The following LMNTD1 variants were observed in gnomAD, a reference collection of about 807,000 sequenced individuals.
The protein encoded by LMNTD1 is lamin tail domain-containing protein 1.
Under a neutral mutation model 50.9 loss-of-function variants are expected in LMNTD1, and 35 were observed. The ratio of observed to expected loss-of-function variants is 0.69; its 90% confidence interval spans 0.53 to 0.91. LMNTD1 has a LOEUF of 0.91. LMNTD1 is among the 40% of genes least tolerant of loss of function. The pLI is 0.00. For missense variants in LMNTD1, 470 were observed against 475.5 expected (o/e 0.99, Z 0.11); for synonymous variants, 153 against 161.9 (o/e 0.94, Z 0.42).
upstream of LMNTD1, among the ~76,000 whole-genome samples, chr12:25,554,901 T>TA (rs1367682907): frequency 6.6e-6 from 1 of 151,874 alleles, no homozygotes; most frequent in South Asian, 2.1e-4. Context: ...CCGTCTCTAC[T>TA]AAAAAAATAC....
intron 1 of LMNTD1, chr12:25,648,438 G>T (rs1447855399): frequency 3.5e-5 from 49 of 1,395,372 alleles, no homozygotes; most frequent in Non-Finnish European, 4.9e-5. Context: ...AAAAGGAAAT[G>T]AGGGAAGCCA....
intron 1 of LMNTD1, among the ~76,000 whole-genome samples, chr12:25,619,011 C>A (rs949470495): frequency 6.6e-6 from 1 of 152,146 alleles, no homozygotes; most frequent in African/African-American, 2.4e-5. Context: ...CTTTGCCCTG[C>A]CATTGTAAGA....
At chr12:25,529,154 C>T (rs1942037628) in intron 4 of LMNTD1, among the ~76,000 whole-genome samples, 1 of 152,078 alleles carries the variant, frequency 6.6e-6, no homozygotes, top group Non-Finnish European at 1.5e-5. Context: ...TGTTTTGCCT[C>T]TATCAGTTTT....
At chr12:25,520,096 A>G in intron 6 of LMNTD1, 21 bp from the exon 7 acceptor site, 1 of 1,457,628 alleles carries the variant, frequency 6.9e-7, no homozygotes, top group East Asian at 2.5e-5. Flanking sequence ...TGATTTATTA[A>G]TGTTGGCTAT....
At chr12:25,559,654 T>A (rs1445566814) in intron 1 of LMNTD1, among the ~76,000 whole-genome samples, 1 of 152,218 alleles carries the variant, frequency 6.6e-6, no homozygotes, top group Non-Finnish European at 1.5e-5. Flanking sequence ...TAGTTTACAG[T>A]CCAACCAACA....
intron 9 of LMNTD1, among the ~76,000 whole-genome samples, chr12:25,499,275 T>C (rs1939245630): frequency 1.3e-5 from 2 of 152,112 alleles, no homozygotes; most frequent in African/African-American, 4.8e-5. Context: ...AGTTTCACTA[T>C]GTTTCCCAGG....
At chr12:25,606,763 T>G (rs992243923) in intron 1 of LMNTD1, among the ~76,000 whole-genome samples, 16 of 152,240 alleles carry the variant, frequency 1.1e-4, no homozygotes, top group African/African-American at 3.9e-4. Flanking sequence ...TTTGCATCAA[T>G]GTTCATCAAG....
At chr12:25,619,252 C>CTCTCTCTATATATATATATA (rs1374134268) in intron 1 of LMNTD1, among the ~76,000 whole-genome samples, 10 of 84,442 alleles carry the variant, frequency 1.2e-4, no homozygotes, top group South Asian at 8.1e-4. Context: ...CTCTCTCTCT[C>CTCTCTCTATATATATATATA]TATATATATA....
intron 9 of LMNTD1, among the ~76,000 whole-genome samples, chr12:25,502,216 A>T (rs116805544): frequency 2.4e-4 from 37 of 152,278 alleles, no homozygotes; most frequent in African/African-American, 8.7e-4. Context: ...TCCAAGCAAA[A>T]CATAAAAAAT....
intron 1 of LMNTD1, among the ~76,000 whole-genome samples, chr12:25,586,900 T>C (rs1425595010): frequency 3.3e-5 from 5 of 152,316 alleles, no homozygotes; most frequent in African/African-American, 1.2e-4. Flanking sequence ...ACAAACCACA[T>C]AGCATGCCCT....
chr12:25,501,759 C>T (rs1939401773), intron 9 of LMNTD1, among the ~76,000 whole-genome samples: 1 of 152,054 alleles, frequency 6.6e-6, no homozygotes, highest in Admixed American at 6.5e-5. Flanking sequence ...CTCATGAATA[C>T]CAGTAAGAAC....
chr12:25,588,839 T>C (rs1945616075), intron 1 of LMNTD1, among the ~76,000 whole-genome samples: 2 of 151,770 alleles, frequency 1.3e-5, no homozygotes, highest in South Asian at 4.2e-4. Context: ...CAGAAGAAAA[T>C]GGGAAAAAAA....
At chr12:25,525,541 A>G (rs1251823950) in intron 6 of LMNTD1, among the ~76,000 whole-genome samples, 1 of 152,202 alleles carries the variant, frequency 6.6e-6, no homozygotes, top group Non-Finnish European at 1.5e-5. Context: ...TGACTTCGAA[A>G]GTTGAAGAGG....
At chr12:25,645,472 A>G (rs990911729) in intron 1 of LMNTD1, among the ~76,000 whole-genome samples, 1 of 152,212 alleles carries the variant, frequency 6.6e-6, no homozygotes, top group Non-Finnish European at 1.5e-5. Flanking sequence ...ATACATTATT[A>G]CTGGATGTTC....
intron 1 of LMNTD1, 31 bp from the exon 2 acceptor site, chr12:25,553,020 G>T: frequency 6.2e-7 from 1 of 1,603,390 alleles, no homozygotes; most frequent in South Asian, 1.1e-5. Flanking sequence ...ATCAGATGAC[G>T]AATATGGCTG....
chr12:25,505,100 T>G (rs1433847566), intron 8 of LMNTD1, among the ~76,000 whole-genome samples: 6 of 152,180 alleles, frequency 3.9e-5, no homozygotes, highest in African/African-American at 1.4e-4. Context: ...CTGTAGAAAA[T>G]TCCCATCTAC....
chr12:25,637,163 T>G (rs1332340054), intron 1 of LMNTD1, among the ~76,000 whole-genome samples: 2 of 152,200 alleles, frequency 1.3e-5, no homozygotes, highest in East Asian at 3.9e-4. Context: ...TAAAATAAAA[T>G]GTTCCATTTA....
intron 5 of LMNTD1, 109 bp from the exon 6 acceptor site, chr12:25,526,327 T>C: frequency 9.8e-7 from 1 of 1,022,328 alleles, no homozygotes; most frequent in Non-Finnish European, 1.4e-6. Flanking sequence ...TTTTAAAATA[T>C]AATGACTATA....
chr12:25,511,199 C>A (rs1940264275), intron 8 of LMNTD1, among the ~76,000 whole-genome samples: 1 of 152,132 alleles, frequency 6.6e-6, no homozygotes, highest in African/African-American at 2.4e-5. Context: ...ATAGGACAGC[C>A]CTGGCTCAAA....
Sources: allele counts gnomAD v4.1 joint callset (sites outside exome capture counted in the v4.1 genomes callset), GRCh38; gene constraint gnomAD v4.1.1; transcripts MANE v1.5; gene names NCBI Gene and HGNC (gene_info 2026-07-23, HGNC 2026-07-21).